Variants in F13A1 observed in about 807,000 individuals in gnomAD.
F13A1 encodes FSF, A subunit.
In F13A1, 47 loss-of-function variants were observed where a neutral mutation model predicts 80.1. The ratio of observed to expected loss-of-function variants is 0.59; its 90% CI spans 0.46 to 0.75. The LOEUF (loss-of-function observed/expected upper bound fraction) is 0.75. F13A1 is among the 30% of genes least tolerant of loss of function. The pLI is 0.00. For missense variants in F13A1, 817 were observed against 930.4 expected (o/e 0.88, Z 1.59); for synonymous variants, 349 against 344.9 (o/e 1.01, Z -0.13).
intron 4 of F13A1, among the ~76,000 whole-genome samples, chr6:6,257,428 G>T (rs4114866): frequency 0.18 from 26,617 of 152,066 alleles, 2,358 homozygotes; most frequent in Admixed American, 0.21. Flanking sequence ...GACGTTGCTT[G>T]CCTATCTAGT....
intron 6 of F13A1, among the ~76,000 whole-genome samples, chr6:6,231,394 A>T (rs1412571364): frequency 6.6e-6 from 1 of 152,192 alleles, no homozygotes; most frequent in African/African-American, 2.4e-5. Context: ...GGAATAAGAA[A>T]ATATGAACAA....
chr6:6,313,280 CTT>C (rs5874027), intron 2 of F13A1, among the ~76,000 whole-genome samples: 2,111 of 126,712 alleles, frequency 0.017, 61 homozygotes, highest in African/African-American at 0.055. Context: ...GCTAAGCCGC[CTT>C]TTTTTTTTTT....
At chr6:6,244,784 T>TAGTA (rs755282276) in intron 6 of F13A1, among the ~76,000 whole-genome samples, 19 of 152,160 alleles carry the variant, frequency 1.2e-4, no homozygotes, top group Non-Finnish European at 2.4e-4. Flanking sequence ...CTGGGTCACA[T>TAGTA]AGTAAGTTAA....
intron 8 of F13A1, among the ~76,000 whole-genome samples, chr6:6,219,618 C>T (rs945205190): frequency 2.6e-5 from 4 of 152,172 alleles, no homozygotes; most frequent in East Asian, 1.9e-4. Flanking sequence ...CTGTGGTGAT[C>T]ATGCACTGGC....
intron 3 of F13A1, among the ~76,000 whole-genome samples, chr6:6,302,935 C>G (rs1301487908): frequency 6.6e-6 from 1 of 152,138 alleles, no homozygotes; most frequent in African/African-American, 2.4e-5. Context: ...GTCTTTTTTA[C>G]ATTAATACTC....
intron 13 of F13A1, among the ~76,000 whole-genome samples, chr6:6,158,866 C>T (rs929083249): frequency 6.6e-6 from 1 of 151,752 alleles, no homozygotes; most frequent in Non-Finnish European, 1.5e-5. Flanking sequence ...TTGTTTGGGG[C>T]ACTCATTATA....
At chr6:6,213,739 G>A (rs1186538027) in intron 8 of F13A1, among the ~76,000 whole-genome samples, 1 of 150,198 alleles carries the variant, frequency 6.7e-6, no homozygotes, top group Non-Finnish European at 1.5e-5. Context: ...CTGGCAAATT[G>A]GATAAAGAGT....
intron 4 of F13A1, among the ~76,000 whole-genome samples, chr6:6,257,717 T>C (rs758673906): frequency 3.9e-5 from 6 of 152,188 alleles, no homozygotes; most frequent in Non-Finnish European, 7.3e-5. Flanking sequence ...CGTGCGTGCA[T>C]AGTACAACAT....
chr6:6,305,311 A>T (rs752867631), intron 3 of F13A1, 40 bp downstream of exon 3: 3 of 1,609,824 alleles, frequency 1.9e-6, no homozygotes, highest in Admixed American at 3.3e-5. Flanking sequence ...CTACAATGCA[A>T]CCCATGGTGT....
At position 6,292,628 on chromosome 6, in the gene F13A1, C is replaced by T. The variant is rs1224033502; in HGVS notation, c.319+12723G>A. On this transcript the variant is annotated intron_variant, in intron 3 of 14. Transcript: ENST00000264870. ...CACCGCCGCTGGCTTTCCATAAATG[C>T]TACTCAAGAAATAAGTGAAAGAAAG... Among the ~76,000 whole-genome samples, 4 of 152,196 alleles carry T rather than the reference C, an allele frequency of 2.6e-5. 1 individual carries two copies.
At chr6:6,211,697 G>C (rs559361074) in intron 8 of F13A1, among the ~76,000 whole-genome samples, 50 of 152,366 alleles carry the variant, frequency 3.3e-4, no homozygotes, top group Admixed American at 1.2e-3. Flanking sequence ...AATAGGAACA[G>C]CTCCAGTCTA....
At chr6:6,190,930 G>C (rs1164250640) in intron 10 of F13A1, among the ~76,000 whole-genome samples, 11 of 149,526 alleles carry the variant, frequency 7.4e-5, no homozygotes, top group African/African-American at 1.5e-4. Context: ...CTCGTGGTGC[G>C]CCGTTTTTTA....
rs571428358 is a variant in F13A1 at position 6,222,808 on chromosome 6, T to C, written c.974-637A>G. On this transcript the variant is annotated intron_variant, in intron 7 of 14. Coordinates refer to ENST00000264870, the MANE Select transcript of F13A1 (RefSeq NM_000129.4). ...TTAATGACTTGGCTTGCCTTTTTATTTTCTCCTTCAGAATAGTTTAGCATT... is the reference window on the plus strand; with the variant it reads ...TTAATGACTTGGCTTGCCTTTTTATCTTCTCCTTCAGAATAGTTTAGCATT... 4.6e-5 allele frequency among the ~76,000 whole-genome samples: 7 copies of C among 152,294 alleles called. No homozygotes were observed. The South Asian group carries it at 6.2e-4, about 14-fold the overall frequency.
At chr6:6,151,792 T>C (rs1276138021) in intron 14 of F13A1, 21 bp downstream of exon 14, 1 of 1,613,942 alleles carries the variant, frequency 6.2e-7, no homozygotes, top group Non-Finnish European at 8.5e-7. Flanking sequence ...GCCTGCCCGG[T>C]CTCCCCAACC....
intron 3 of F13A1, among the ~76,000 whole-genome samples, chr6:6,296,885 G>A (rs961406562): frequency 2.7e-5 from 4 of 148,676 alleles, no homozygotes; most frequent in African/African-American, 1.0e-4. Context: ...CTGTGGGTTT[G>A]TCATAGATAG....
chr6:6,185,064 A>G (rs1339937874), intron 10 of F13A1, among the ~76,000 whole-genome samples: 8 of 152,134 alleles, frequency 5.3e-5, no homozygotes, highest in Admixed American at 3.9e-4. Context: ...AGATAAGTTC[A>G]GAGTGTATGG....
chr6:6,188,243 G>GTTATT (rs1761117168), intron 10 of F13A1, among the ~76,000 whole-genome samples: 1 of 151,838 alleles, frequency 6.6e-6, no homozygotes, highest in African/African-American at 2.4e-5. Flanking sequence ...TCTGATTTTA[G>GTTATT]TTATTTCTTG....
rs1761702408 is a variant in F13A1 at position 6,215,260 on chromosome 6, A to G, written c.1112+6773T>C. Among the ~76,000 whole-genome samples the G allele has an allele frequency of 4.6e-5, 6 of 129,348 alleles. No homozygotes were observed. The Admixed American group carries it at 4.7e-4, about 10-fold the overall frequency. 84.9% of individuals were successfully genotyped at this position (129,348 alleles called of 152,430 possible). ...AATTTTAGACCAATATCCTTGATGAACATTGATGCAAAAATCCTCAATAAA... is the reference window on the plus strand; with the variant it reads ...AATTTTAGACCAATATCCTTGATGAGCATTGATGCAAAAATCCTCAATAAA... On this transcript the variant is annotated intron_variant, in intron 8 of 14. Coordinates refer to ENST00000264870, the MANE Select transcript of F13A1 (RefSeq NM_000129.4).
In F13A1 at chr6:6,265,129, G is replaced by C. The variant is rs1418013117; in HGVS notation, c.571+1429C>G. ...TAAATAAATATAAATATAAAACAAA[G>C]AAAAGATCAGTAGGACCAAGGTGTA... is the stretch of plus-strand genomic sequence containing the variant. On this transcript the variant is annotated intron_variant, in intron 4 of 14. Coordinates refer to ENST00000264870, the MANE Select transcript of F13A1 (RefSeq NM_000129.4). Among the ~76,000 whole-genome samples, 7 of 152,238 alleles carry C rather than the reference G, an allele frequency of 4.6e-5. No homozygotes were observed. In the East Asian group the frequency reaches 1.4e-3, roughly 29 times the overall value.
Sources: allele counts gnomAD v4.1 joint callset (sites outside exome capture counted in the v4.1 genomes callset), GRCh38; gene constraint gnomAD v4.1.1; transcripts MANE v1.5; gene names NCBI Gene and HGNC (gene_info 2026-07-23, HGNC 2026-07-21).